Variants in SCN9A observed in about 807,000 individuals in gnomAD.
The protein encoded by SCN9A is sodium voltage-gated channel alpha subunit 9.
Under a neutral mutation model 187.0 loss-of-function variants are expected in SCN9A, and 131 were observed. The ratio of observed to expected loss-of-function variants is 0.70; its 90% CI spans 0.61 to 0.81. SCN9A has a LOEUF of 0.81. Among genes scored for constraint, SCN9A ranks in the 30% least tolerant of loss-of-function variants. The pLI is 0.00. For synonymous variants in SCN9A, 809 were observed against 808.6 expected, an observed-to-expected ratio of 1.00 and a Z score of -0.01; for missense variants, 2,252 against 2,396.6, an observed-to-expected ratio of 0.94 and a Z score of 1.26.
chr2:166,293,979 T>A (rs1361534687), intron 8 of SCN9A, among the ~76,000 whole-genome samples: 1 of 152,182 alleles, frequency 6.6e-6, no homozygotes, highest in Non-Finnish European at 1.5e-5. Context: ...TCCAGTTTAT[T>A]CCTATGTTGC....
At chr2:166,280,773 C>T (rs1034671196) in intron 13 of SCN9A, among the ~76,000 whole-genome samples, 178 bp from the exon 14 acceptor site, 6 of 152,136 alleles carry the variant, frequency 3.9e-5, no homozygotes, top group African/African-American at 9.6e-5. Flanking sequence ...ATGACATGTT[C>T]GTTGCCTAGA....
intron 14 of SCN9A, among the ~76,000 whole-genome samples, chr2:166,279,734 G>T (rs185282388): frequency 1.1e-3 from 167 of 152,122 alleles, no homozygotes; most frequent in African/African-American, 3.7e-3. Context: ...TTTACTATAT[G>T]CCAGGCTAAT....
intron 17 of SCN9A, among the ~76,000 whole-genome samples, chr2:166,269,125 GAAA>G (rs1021209151): frequency 5.3e-5 from 8 of 151,658 alleles, no homozygotes; most frequent in Admixed American, 4.6e-4. Context: ...TATGTAATGA[GAAA>G]AAAATTAGTG....
chr2:166,370,631 A>T lies in SCN9A; in HGVS notation c.-51+5066T>A, dbSNP rs527959809. Among the ~76,000 whole-genome samples, 3 of 152,118 alleles carry T rather than the reference A, an allele frequency of 2.0e-5. No individual in the cohort carries two copies. In the South Asian group the frequency reaches 6.2e-4, roughly 32 times the overall value. Reference sequence around the variant, plus strand: ...TGTGCATATAGCACATAAAATTTTTATTAAAAATCTTATGGGAATGTTTTT... The same window carrying T: ...TGTGCATATAGCACATAAAATTTTTTTTAAAAATCTTATGGGAATGTTTTT... On this transcript the variant is annotated intron_variant, in intron 1 of 26. Transcript: ENST00000642356.
intron 1 of SCN9A, among the ~76,000 whole-genome samples, chr2:166,357,197 AG>A (rs1381118982): frequency 6.6e-6 from 1 of 152,188 alleles, no homozygotes; most frequent in Non-Finnish European, 1.5e-5. Context: ...CTCACTTATA[AG>A]TGAGGACATT....
intron 1 of SCN9A, among the ~76,000 whole-genome samples, chr2:166,323,093 A>G (rs1699283397): frequency 2.0e-5 from 3 of 152,324 alleles, no homozygotes; most frequent in South Asian, 4.1e-4. Context: ...TTAATTAGAC[A>G]AAGTCATGTG....
intron 1 of SCN9A, among the ~76,000 whole-genome samples, chr2:166,359,914 C>T (rs1176234235): frequency 1.3e-5 from 2 of 150,790 alleles, no homozygotes; most frequent in Admixed American, 6.6e-5. Context: ...ATATAGTATT[C>T]CTCAAGTTTA....
intron 24 of SCN9A, among the ~76,000 whole-genome samples, chr2:166,222,959 A>AAAAAAAAAAAAAAAAAC (rs1558960927): frequency 2.0e-5 from 3 of 146,910 alleles, no homozygotes; most frequent in African/African-American, 2.5e-5. Flanking sequence ...AAAAAAAAAA[A>AAAAAAAAAAAAAAAAAC]AAAAAAAAAA....
chr2:166,300,421 C>G (rs1698504686), intron 7 of SCN9A, among the ~76,000 whole-genome samples: 1 of 151,030 alleles, frequency 6.6e-6, no homozygotes. Flanking sequence ...TAGATCTCAG[C>G]TTAAATGCCA....
intron 1 of SCN9A, among the ~76,000 whole-genome samples, chr2:166,343,010 C>A (rs1019609705): frequency 6.6e-5 from 10 of 152,150 alleles, no homozygotes; most frequent in African/African-American, 2.4e-4. Flanking sequence ...ATTCTTTCAA[C>A]ATCAGATTAA....
At chr2:166,311,229 C>T (rs1698932217) in intron 2 of SCN9A, among the ~76,000 whole-genome samples, 1 of 133,534 alleles carries the variant, frequency 7.5e-6, no homozygotes. Flanking sequence ...CACATGTACC[C>T]TAAAACTTAA....
At chr2:166,233,504 TGAA>T in intron 20 of SCN9A, 42 bp from the exon 21 acceptor site, 3 of 1,502,678 alleles carry the variant, frequency 2.0e-6, no homozygotes, top group Non-Finnish European at 1.8e-6. Context: ...AATAAAATGA[TGAA>T]GCATAAAAGG....
intron 20 of SCN9A, 85 bp downstream of exon 20, chr2:166,238,009 T>C (rs1318599405): frequency 3.0e-5 from 27 of 912,628 alleles, no homozygotes; most frequent in Admixed American, 1.1e-4. Flanking sequence ...AATTAAAATA[T>C]GATAATATGC....
intron 24 of SCN9A, among the ~76,000 whole-genome samples, chr2:166,209,066 C>T (rs972073753): frequency 6.6e-6 from 1 of 152,164 alleles, no homozygotes; most frequent in Non-Finnish European, 1.5e-5. Flanking sequence ...GATACAGCTA[C>T]AAACATAGGA....
chr2:166,372,724 T>C (rs1700594212), intron 1 of SCN9A, among the ~76,000 whole-genome samples: 2 of 152,122 alleles, frequency 1.3e-5, no homozygotes, highest in Admixed American at 6.5e-5. Context: ...AAATAAAAAA[T>C]AGAATCACAA....
chr2:166,207,323 T>G (rs1244768200), intron 24 of SCN9A, among the ~76,000 whole-genome samples: 1 of 151,706 alleles, frequency 6.6e-6, no homozygotes, highest in Admixed American at 6.5e-5. Flanking sequence ...TTTACTTATT[T>G]TTTTAATTGT....
At chr2:166,302,251 A>G (rs1291737771) in intron 7 of SCN9A, 1 of 143,704 alleles carries the variant, frequency 7.0e-6, no homozygotes, top group African/African-American at 3.0e-5. Flanking sequence ...TACAATCTTG[A>G]TCATATCTTC....
chr2:166,267,868 A>G (rs1696809086), intron 17 of SCN9A, among the ~76,000 whole-genome samples: 1 of 151,938 alleles, frequency 6.6e-6, no homozygotes, highest in Non-Finnish European at 1.5e-5. Context: ...AGTAGTCTCT[A>G]TTGATCAGTA....
chr2:166,346,258 T>C (rs565602281), intron 1 of SCN9A, among the ~76,000 whole-genome samples: 1 of 152,292 alleles, frequency 6.6e-6, no homozygotes, highest in South Asian at 2.1e-4. Flanking sequence ...ACAAAAGTCT[T>C]CTCATTATTT....
Sources: gnomAD v4.1 joint callset for allele counts (sites outside exome capture counted in the v4.1 genomes callset) on GRCh38, gnomAD v4.1.1 for gene constraint, MANE v1.5 for transcripts, NCBI Gene and HGNC (gene_info 2026-07-23, HGNC 2026-07-21) for gene names.